AHCYL2: variants seen among roughly 807,000 people sequenced by gnomAD.
AHCYL2 encodes S-adenosylhomocysteine hydrolase-like protein 2.
Under a neutral mutation model 81.4 loss-of-function variants are expected in AHCYL2, and 28 were observed. That is an observed-to-expected ratio of 0.34 (90% confidence interval 0.25 to 0.47). The LOEUF (loss-of-function observed/expected upper bound fraction) is 0.47, where lower values mean the gene tolerates loss of function less well. Ranked by LOEUF, AHCYL2 falls within the 20% of genes least tolerant of loss-of-function variation. The pLI is 1.00. For missense variants in AHCYL2, 551 were observed against 785.1 expected, an observed-to-expected ratio of 0.70 and a Z score of 3.56; for synonymous variants, 272 against 290.2, an observed-to-expected ratio of 0.94 and a Z score of 0.64.
intron 1 of AHCYL2, among the ~76,000 whole-genome samples, chr7:129,237,475 T>G (rs1346848874): frequency 1.3e-5 from 2 of 152,194 alleles, no homozygotes; most frequent in African/African-American, 4.8e-5. Flanking sequence ...AACGCAAATA[T>G]GACACTAAAA....
At chr7:129,241,032 G>T (rs547664556) in intron 1 of AHCYL2, among the ~76,000 whole-genome samples, 1 of 152,224 alleles carries the variant, frequency 6.6e-6, no homozygotes, top group East Asian at 1.9e-4. Flanking sequence ...TGGCGCTTTG[G>T]ATTATTTTGG....
chr7:129,363,774 G>A lies in AHCYL2; in HGVS notation c.364-15864G>A, dbSNP rs185421523. Among the ~76,000 whole-genome samples, 739 of 152,166 alleles carry A rather than the reference G, an allele frequency of 4.9e-3. 7 individuals carry two copies. The highest frequency in any genetic ancestry group is 0.017 in the African/African-American group (707 of 41,516). ...GCTGGTATCAAACTCCTGGCCTTAA[G>A]TGATCCACCCGCCTCGGCCTCCCAA... is the stretch of plus-strand genomic sequence containing the variant. On this transcript the variant is annotated intron_variant, in intron 1 of 16. Transcript: ENST00000325006.
chr7:129,394,232 A>T (rs1479079336), intron 4 of AHCYL2, among the ~76,000 whole-genome samples: 2 of 151,840 alleles, frequency 1.3e-5, no homozygotes, highest in African/African-American at 4.8e-5. Context: ...GCTGGTCTCA[A>T]ACTCCTGGCC....
At chr7:129,424,108 A>G (rs918973405) in intron 13 of AHCYL2, among the ~76,000 whole-genome samples, 4 of 152,034 alleles carry the variant, frequency 2.6e-5, no homozygotes, top group African/African-American at 9.7e-5. Context: ...TAGTTCTTCT[A>G]CTGTCTGAAT....
intron 1 of AHCYL2, among the ~76,000 whole-genome samples, chr7:129,280,073 G>A (rs1015212386): frequency 6.6e-6 from 1 of 151,834 alleles, no homozygotes; most frequent in Admixed American, 6.6e-5. Flanking sequence ...AGATGGAGTC[G>A]CCTTGGTTCT....
intron 1 of AHCYL2, among the ~76,000 whole-genome samples, chr7:129,344,710 GAT>G (rs1333569319): frequency 6.6e-6 from 1 of 152,190 alleles, no homozygotes; most frequent in Admixed American, 6.5e-5. Flanking sequence ...GAAGACTGTT[GAT>G]GGAGTATAGT....
intron 1 of AHCYL2, among the ~76,000 whole-genome samples, chr7:129,325,373 C>A (rs1421803194): frequency 3.3e-5 from 5 of 152,244 alleles, no homozygotes; most frequent in Admixed American, 2.0e-4. Context: ...GCATGGTTTC[C>A]TATGAGAAGT....
intron 1 of AHCYL2, among the ~76,000 whole-genome samples, chr7:129,322,826 G>A (rs1315696570): frequency 6.6e-6 from 1 of 152,108 alleles, no homozygotes; most frequent in East Asian, 1.9e-4. Context: ...CTGAGCTTGA[G>A]CTCAAGTGAT....
intron 5 of AHCYL2, among the ~76,000 whole-genome samples, chr7:129,399,399 A>G (rs555474062): frequency 6.6e-6 from 1 of 151,728 alleles, no homozygotes; most frequent in East Asian, 2.0e-4. Context: ...GTGAGCCGAG[A>G]TTATGCCACT....
intron 1 of AHCYL2, among the ~76,000 whole-genome samples, chr7:129,291,718 C>T (rs1796874346): frequency 6.6e-6 from 1 of 150,480 alleles, no homozygotes; most frequent in Non-Finnish European, 1.5e-5. Flanking sequence ...TTCTTCGCCT[C>T]AGCCTCCCGA....
intron 12 of AHCYL2, among the ~76,000 whole-genome samples, chr7:129,421,709 C>G (rs1235081414): frequency 2.0e-5 from 3 of 152,164 alleles, no homozygotes; most frequent in Non-Finnish European, 4.4e-5. Context: ...TATGTCTTTC[C>G]CACTAGATTG....
At chr7:129,253,642 C>T (rs956161456) in intron 1 of AHCYL2, among the ~76,000 whole-genome samples, 7 of 152,132 alleles carry the variant, frequency 4.6e-5, no homozygotes, top group African/African-American at 1.7e-4. Flanking sequence ...GACAGGATCT[C>T]ACTCTGTTGC....
rs866962036 is a variant in AHCYL2, at chr7:129,405,744, C to G, written c.1143-92C>G. 22 of 1,222,696 alleles carry G rather than the reference C, an allele frequency of 1.8e-5. No homozygotes were observed. The Middle Eastern group carries it at 8.2e-4, about 46-fold the overall frequency. 75.7% of individuals were successfully genotyped at this position (1,222,696 alleles called of 1,614,324 possible). ...CTTTCTTTCAAAATGAAAAACCAAC[C>G]AAAAAACCCCATGAAAACAAAGAGA... is the stretch of plus-strand genomic sequence containing the variant. On this transcript the variant is annotated intron_variant, in intron 8 of 16. Transcript: ENST00000325006.
At chr7:129,399,758 G>A (rs1327528358) in intron 5 of AHCYL2, among the ~76,000 whole-genome samples, 4 of 126,854 alleles carry the variant, frequency 3.2e-5, no homozygotes, top group Admixed American at 1.8e-4. Context: ...ACAGAGTCAC[G>A]CCCTGTCGCC....
At chr7:129,296,034 A>C (rs1033533137) in intron 1 of AHCYL2, among the ~76,000 whole-genome samples, 1 of 152,200 alleles carries the variant, frequency 6.6e-6, no homozygotes, top group Admixed American at 6.5e-5. Flanking sequence ...GAATCTTAGT[A>C]CTGTAGACAG....
intron 1 of AHCYL2, among the ~76,000 whole-genome samples, chr7:129,246,409 C>T (rs781568241): frequency 6.6e-6 from 1 of 152,214 alleles, no homozygotes; most frequent in African/African-American, 2.4e-5. Flanking sequence ...AGAACATTTT[C>T]ATTTCCCCCA....
chr7:129,248,631 T>C (rs931656240), intron 1 of AHCYL2, among the ~76,000 whole-genome samples: 10 of 151,976 alleles, frequency 6.6e-5, no homozygotes, highest in African/African-American at 2.4e-4. Context: ...TTTTTTTTTT[T>C]TTTTCAAAAT....
intron 10 of AHCYL2, among the ~76,000 whole-genome samples, chr7:129,407,458 A>G (rs1406501151): frequency 1.3e-5 from 2 of 152,210 alleles, no homozygotes; most frequent in Non-Finnish European, 2.9e-5. Context: ...AGCTGTTATT[A>G]AAATTGTCTC....
intron 1 of AHCYL2, among the ~76,000 whole-genome samples, chr7:129,376,384 A>AT (rs1480814677): frequency 2.0e-5 from 3 of 152,204 alleles, no homozygotes; most frequent in Non-Finnish European, 4.4e-5. Flanking sequence ...TCTCACTCTA[A>AT]TATTTTTCTG....
Sources: gnomAD v4.1 joint callset for allele counts (sites outside exome capture counted in the v4.1 genomes callset) on GRCh38, gnomAD v4.1.1 for gene constraint, MANE v1.5 for transcripts, NCBI Gene and HGNC (gene_info 2026-07-23, HGNC 2026-07-21) for gene names.